CNTNAP2: variants seen among roughly 807,000 people sequenced by gnomAD.
CNTNAP2 encodes the protein contactin associated protein 2, also known as contactin-associated protein-like 2.
In CNTNAP2, 98 loss-of-function variants were observed where a neutral mutation model predicts 155.2. The observed-to-expected ratio is 0.63, with a 90% CI of 0.54 to 0.75. The LOEUF (loss-of-function observed/expected upper bound fraction) is 0.75. Ranked by LOEUF, CNTNAP2 falls within the 30% of genes least tolerant of loss-of-function variation. The pLI is 0.00. For synonymous variants in CNTNAP2, 651 were observed against 631.2 expected (o/e 1.03, Z -0.47); for missense variants, 1,727 against 1,688.1 (o/e 1.02, Z -0.40).
intron 3 of CNTNAP2, among the ~76,000 whole-genome samples, chr7:146,916,354 C>CCTCTTT (rs927732593): frequency 2.6e-5 from 4 of 151,540 alleles, no homozygotes; most frequent in East Asian, 1.9e-4. Flanking sequence ...GAGAGGATTC[C>CCTCTTT]CTCTTTCTCT....
chr7:147,840,536 G>T (rs1041364829), intron 13 of CNTNAP2, among the ~76,000 whole-genome samples: 7 of 152,098 alleles, frequency 4.6e-5, no homozygotes, highest in African/African-American at 1.4e-4. Flanking sequence ...TACACAGGGG[G>T]TTTCATGTCT....
At chr7:146,928,402 G>C (rs540357758) in intron 3 of CNTNAP2, among the ~76,000 whole-genome samples, 1 of 152,288 alleles carries the variant, frequency 6.6e-6, no homozygotes, top group Non-Finnish European at 1.5e-5. Flanking sequence ...TGGGTGATGT[G>C]TTCATAGGCT....
chr7:146,639,161 C>A (rs1429299968), intron 1 of CNTNAP2, among the ~76,000 whole-genome samples: 1 of 152,180 alleles, frequency 6.6e-6, no homozygotes, highest in African/African-American at 2.4e-5. Flanking sequence ...CATCTGATAG[C>A]AACTATATGA....
chr7:147,762,018 G>T lies in CNTNAP2; in HGVS notation c.2098+122712G>T, dbSNP rs1464068169. Among the ~76,000 whole-genome samples the T allele has an allele frequency of 2.0e-5, 3 of 152,052 alleles. No individual in the cohort carries two copies. In the East Asian group the frequency reaches 5.8e-4, roughly 29 times the overall value. ...ATACTAACTCCATGAGAGACACAGGGAGCTACGATGAAGACAAAAGTAAAC... is the reference window on the plus strand; with the variant it reads ...ATACTAACTCCATGAGAGACACAGGTAGCTACGATGAAGACAAAAGTAAAC... On this transcript the variant is annotated intron_variant, in intron 13 of 23. Coordinates refer to ENST00000361727, the MANE Select transcript of CNTNAP2 (RefSeq NM_014141.6).
At chr7:146,981,987 C>T (rs912587618) in intron 3 of CNTNAP2, among the ~76,000 whole-genome samples, 11 of 152,060 alleles carry the variant, frequency 7.2e-5, no homozygotes, top group Admixed American at 2.0e-4. Context: ...CATAAACCAG[C>T]GAGTGTTAAT....
In CNTNAP2 at chr7:146,552,664, A is replaced by C. The variant is rs142131390; in HGVS notation, c.98-221607A>C. On this transcript the variant is annotated intron_variant, in intron 1 of 23. Transcript: ENST00000361727. ...TCCTTCTCTCTTAGAGTTAAAATCA[A>C]ATGCACTTATTGTAATGTATGAGAC... 3.0e-3 allele frequency among the ~76,000 whole-genome samples: 452 copies of C among 152,098 alleles called. 2 individuals are homozygous for C. The highest frequency in any genetic ancestry group is 0.01 in the African/African-American group (427 of 41,478).
intron 1 of CNTNAP2, among the ~76,000 whole-genome samples, chr7:146,218,449 C>T (rs936121264): frequency 2.9e-4 from 44 of 152,168 alleles, no homozygotes; most frequent in African/African-American, 1.0e-3. Context: ...GCGGAGCTTG[C>T]AGTGAGCTGA....
intron 1 of CNTNAP2, among the ~76,000 whole-genome samples, chr7:146,291,596 G>A (rs1380753971): frequency 2.0e-5 from 3 of 151,994 alleles, no homozygotes; most frequent in African/African-American, 7.3e-5. Flanking sequence ...CTGAAGGCAG[G>A]GATGGTATCA....
At chr7:148,138,295 G>A (rs569858919) in intron 16 of CNTNAP2, among the ~76,000 whole-genome samples, 2 of 152,288 alleles carry the variant, frequency 1.3e-5, no homozygotes, top group East Asian at 3.9e-4. Context: ...TGACTTGTAT[G>A]CTGTCTCCTT....
At chr7:147,367,200 T>C (rs1796247584) in intron 9 of CNTNAP2, among the ~76,000 whole-genome samples, 1 of 152,216 alleles carries the variant, frequency 6.6e-6, no homozygotes, top group South Asian at 2.1e-4. Flanking sequence ...TGTTGCTTTA[T>C]TTTTGTAAAT....
chr7:146,290,724 C>T (rs527550709), intron 1 of CNTNAP2, among the ~76,000 whole-genome samples: 1 of 152,312 alleles, frequency 6.6e-6, no homozygotes, highest in Non-Finnish European at 1.5e-5. Context: ...GCTACTTAAA[C>T]ACTTTGAACA....
intron 2 of CNTNAP2, among the ~76,000 whole-genome samples, chr7:146,794,533 G>A (rs1563233432): frequency 6.6e-6 from 1 of 152,130 alleles, no homozygotes; most frequent in Non-Finnish European, 1.5e-5. Context: ...GTGAATAAAA[G>A]CCCCAAAGTG....
At chr7:147,079,245 G>A (rs1259100949) in intron 4 of CNTNAP2, among the ~76,000 whole-genome samples, 2 of 152,056 alleles carry the variant, frequency 1.3e-5, no homozygotes, top group Non-Finnish European at 2.9e-5. Context: ...GAAAACTGAG[G>A]TCACAGGGAG....
At chr7:147,797,404 A>G (rs1024647286) in intron 13 of CNTNAP2, among the ~76,000 whole-genome samples, 3 of 151,926 alleles carry the variant, frequency 2.0e-5, no homozygotes, top group Non-Finnish European at 2.9e-5. Context: ...CCATCAATGA[A>G]AAAAAAAGGT....
rs554444004 is a variant in CNTNAP2 at position 146,867,228 on chromosome 7, G to A, written c.402+27324G>A. On this transcript the variant is annotated intron_variant, in intron 3 of 23. Transcript: ENST00000361727. ...GTTGTTTCCTTCCTTGTGTTCATAA[G>A]TTCTTATCATTAGGCTCCCATTTCT... Among the ~76,000 whole-genome samples the A allele has an allele frequency of 9.2e-5, 14 of 152,116 alleles. No individual in the cohort carries two copies. The South Asian group carries it at 2.9e-3, about 32-fold the overall frequency.
chr7:148,069,231 A>ATTTT (rs1803331266), intron 15 of CNTNAP2, among the ~76,000 whole-genome samples: 1 of 152,166 alleles, frequency 6.6e-6, no homozygotes, highest in Non-Finnish European at 1.5e-5. Context: ...TAGTCTTATG[A>ATTTT]TTTTTAACTG....
rs1309070832 is a variant in CNTNAP2 at position 147,903,735 on chromosome 7, G to A, written c.2255+14G>A. The A allele has an allele frequency of 1.2e-6, 2 of 1,612,798 alleles. No individual in the cohort carries two copies. Among genetic ancestry groups the A allele is most frequent in the Non-Finnish European group, 1.7e-6 (2 of 1,179,532 alleles). On this transcript the variant is annotated intron_variant, in intron 14 of 23. Coordinates refer to ENST00000361727, the MANE Select transcript of CNTNAP2 (RefSeq NM_014141.6). Reference sequence around the variant, plus strand: ...CTACAAGCAATGGTGAGTGCCTGCGGGCAGCACAGCCAGGCTCACCCTCCC... The same window carrying A: ...CTACAAGCAATGGTGAGTGCCTGCGAGCAGCACAGCCAGGCTCACCCTCCC...
intron 13 of CNTNAP2, among the ~76,000 whole-genome samples, chr7:147,797,627 G>T (rs1290151175): frequency 1.3e-5 from 2 of 152,056 alleles, no homozygotes; most frequent in African/African-American, 2.4e-5. Flanking sequence ...GACTCTTGGA[G>T]CTCTGGATAG....
At chr7:147,266,413 T>C (rs1213376802) in intron 8 of CNTNAP2, among the ~76,000 whole-genome samples, 4 of 152,208 alleles carry the variant, frequency 2.6e-5, no homozygotes, top group African/African-American at 7.2e-5. Flanking sequence ...AGCCCCTATC[T>C]CCCTTTGTGG....
Sources: allele counts gnomAD v4.1 joint callset (sites outside exome capture counted in the v4.1 genomes callset), GRCh38; gene constraint gnomAD v4.1.1; transcripts MANE v1.5; gene names NCBI Gene and HGNC (gene_info 2026-07-23, HGNC 2026-07-21).